The following CCR3 variants were observed in gnomAD, a reference collection of about 807,000 sequenced individuals.
The protein encoded by CCR3 is C-C motif chemokine receptor 3, also known as C-C chemokine receptor type 3.
For missense variants in CCR3, 419 were observed against 437.5 expected (o/e 0.96, Z 0.38); for synonymous variants, 203 against 179.2 (o/e 1.13, Z -1.06).
At chr3:46,258,034 G>C (rs894469762) in intron 1 of CCR3, among the ~76,000 whole-genome samples, 12 of 152,192 alleles carry the variant, frequency 7.9e-5, no homozygotes, top group Non-Finnish European at 1.5e-4. Context: ...GTTCTCTTCA[G>C]GCCCCCAGCT....
chr3:46,249,034 C>A (rs927367683), intron 1 of CCR3, among the ~76,000 whole-genome samples: 1 of 152,086 alleles, frequency 6.6e-6, no homozygotes, highest in African/African-American at 2.4e-5. Context: ...CCTTTTAAAG[C>A]GTGCTGTGGG....
At chr3:46,233,144 G>A (rs1029049396) in intron 2 of CCR3, among the ~76,000 whole-genome samples, 1 of 152,184 alleles carries the variant, frequency 6.6e-6, no homozygotes, top group Non-Finnish European at 1.5e-5. Flanking sequence ...AGTCCTTTTT[G>A]TAAAGCTTTC....
chr3:46,248,465 T>G (rs1700242225), intron 1 of CCR3, among the ~76,000 whole-genome samples: 1 of 152,168 alleles, frequency 6.6e-6, no homozygotes, highest in South Asian at 2.1e-4. Flanking sequence ...CAGGGTGCAG[T>G]CCTGGCTCTT....
chr3:46,256,128 T>C (rs1434544648), intron 1 of CCR3, among the ~76,000 whole-genome samples: 1 of 152,192 alleles, frequency 6.6e-6, no homozygotes, highest in East Asian at 1.9e-4. Flanking sequence ...TGAACTTTTT[T>C]TGTGATTTGC....
chr3:46,249,090 G>C (rs1032568660), intron 1 of CCR3, among the ~76,000 whole-genome samples: 1 of 152,224 alleles, frequency 6.6e-6, no homozygotes, highest in Non-Finnish European at 1.5e-5. Context: ...AGGTTTTAAC[G>C]AGATGGTAAG....
upstream of CCR3, among the ~76,000 whole-genome samples, chr3:46,242,126 C>T (rs1255095798): frequency 7.5e-6 from 1 of 134,022 alleles, no homozygotes. Context: ...GAATGAAATC[C>T]TGTCTTAAAA....
intron 2 of CCR3, among the ~76,000 whole-genome samples, chr3:46,214,478 A>G (rs765181497): frequency 4.6e-5 from 7 of 152,070 alleles, no homozygotes; most frequent in Non-Finnish European, 7.4e-5. Flanking sequence ...TATCCGAGTT[A>G]TTTAATTTAG....
intron 2 of CCR3, among the ~76,000 whole-genome samples, chr3:46,235,120 T>C (rs1700009993): frequency 6.6e-6 from 1 of 152,248 alleles, no homozygotes; most frequent in Non-Finnish European, 1.5e-5. Context: ...GAAAGAGAGC[T>C]GCCTGTCACT....
intron 2 of CCR3, among the ~76,000 whole-genome samples, chr3:46,236,086 A>G (rs79815064): frequency 0.077 from 11,708 of 152,268 alleles, 634 homozygotes; most frequent in Non-Finnish European, 0.11. Context: ...ATGGTTTGCA[A>G]TACTGACTGA....
In CCR3 at chr3:46,266,275, A is replaced by G. The variant is rs1189188985; in HGVS notation, c.*49A>G. 1 of 1,219,054 alleles carries G rather than the reference A, an allele frequency of 8.2e-7. No homozygotes were observed. Among genetic ancestry groups the G allele is most frequent in the Non-Finnish European group, 1.2e-6 (1 of 845,512 alleles). 75.5% of individuals were successfully genotyped at this position (1,219,054 alleles called of 1,614,324 possible). ...AGAGGAAGGACCAAGGAGATGAAGCAAACACATTAAGCCTTCCACACTCAC... is the reference window on the plus strand; with the variant it reads ...AGAGGAAGGACCAAGGAGATGAAGCGAACACATTAAGCCTTCCACACTCAC... On this transcript the variant is annotated 3_prime_UTR_variant, in exon 2 of 2. Transcript: ENST00000395940.
At position 46,265,496 on chromosome 3, in the gene CCR3, A is replaced by G; in HGVS notation, c.338A>G (p.Tyr113Cys). The change falls in exon 2 of 2, where the codon TAT becomes TGT. Residue 113 changes from tyrosine to cysteine, a missense_variant. Tyr to Cys is a radical substitution (Grantham distance 194, BLOSUM62 -2). Coordinates refer to ENST00000395940, the MANE Select transcript of CCR3 (RefSeq NM_178329.3). ...ATGTGTAAGCTCCTCTCAGGGTTTT[A>G]TCACACAGGCTTGTACAGCGAGATC... ...HGMCKLLSGF[Y>C]HTGLYSEIFF... 1 of 1,614,160 alleles carries G rather than the reference A, an allele frequency of 6.2e-7. No individual in the cohort carries two copies. Among genetic ancestry groups the G allele is most frequent in the African/African-American group, 1.3e-5 (1 of 75,042 alleles).
Position 46,265,430 on chromosome 3 carries a change from T to C in CCR3, c.272T>C (p.Ile91Thr). 6.2e-7 allele frequency: 1 copy of C among 1,614,180 alleles called. No homozygotes were observed. The highest frequency in any genetic ancestry group is 8.5e-7 in the Non-Finnish European group (1 of 1,180,020). ...TTCCTCGTCACCCTTCCATTCTGGA[T>C]CCACTATGTCAGGGGGCATAACTGG... ...LLFLVTLPFW[I>T]HYVRGHNWVF... The change falls in exon 2 of 2, where the codon ATC (isoleucine) becomes ACC (threonine). Residue 91 changes from isoleucine (I) to threonine (T), a missense_variant. Transcript: ENST00000395940.
At chr3:46,254,587 G>A (rs755507000) in intron 1 of CCR3, among the ~76,000 whole-genome samples, 8 of 152,112 alleles carry the variant, frequency 5.3e-5, no homozygotes, top group African/African-American at 1.2e-4. Context: ...CCCATCACCT[G>A]AGCAGTGTGT....
intron 1 of CCR3, among the ~76,000 whole-genome samples, chr3:46,255,526 T>G (rs1213461673): frequency 1.3e-5 from 2 of 152,164 alleles, no homozygotes; most frequent in African/African-American, 4.8e-5. Context: ...TTTATGGTTT[T>G]GGGTCTTAGA....
At chr3:46,251,283 C>T (rs989189722) in intron 1 of CCR3, among the ~76,000 whole-genome samples, 1 of 152,036 alleles carries the variant, frequency 6.6e-6, no homozygotes, top group Non-Finnish European at 1.5e-5. Flanking sequence ...AGTCTGTGAC[C>T]GGCGCCGGAG....
intron 2 of CCR3, among the ~76,000 whole-genome samples, chr3:46,221,913 C>T (rs1699841565): frequency 6.6e-6 from 1 of 152,164 alleles, no homozygotes; most frequent in Admixed American, 6.5e-5. Context: ...TTAGCTCTGC[C>T]TGCCTTTCCT....
chr3:46,227,542 A>G (rs1699915362), intron 2 of CCR3, among the ~76,000 whole-genome samples: 1 of 149,190 alleles, frequency 6.7e-6, no homozygotes, highest in Non-Finnish European at 1.5e-5. Context: ...TTTTCTCTTT[A>G]TTTTTGTCTC....
chr3:46,237,634 A>T (rs13324161), upstream of CCR3, among the ~76,000 whole-genome samples: 18 of 152,172 alleles, frequency 1.2e-4, no homozygotes, highest in African/African-American at 4.1e-4. Context: ...GTCCAGTTTC[A>T]TTCTGCATGT....
At chr3:46,222,821 T>A (rs7653045) in intron 2 of CCR3, among the ~76,000 whole-genome samples, 15,133 of 152,212 alleles carry the variant, frequency 0.099, 2,340 homozygotes, top group African/African-American at 0.33. Context: ...TGATTCAATA[T>A]GTGTCTGGCA....
Sources: gnomAD v4.1 joint callset for allele counts (sites outside exome capture counted in the v4.1 genomes callset) on GRCh38, gnomAD v4.1.1 for gene constraint, MANE v1.5 for transcripts, NCBI Gene and HGNC (gene_info 2026-07-23, HGNC 2026-07-21) for gene names.